The following EFR3B variants were observed in gnomAD, a reference collection of about 807,000 sequenced individuals.
EFR3B encodes EFR3 homolog B, also known as protein EFR3 homolog B.
EFR3B carries 64 observed loss-of-function variants against 104.7 expected under a neutral mutation model. That is an observed-to-expected ratio of 0.61 (90% CI 0.50 to 0.75). The LOEUF (loss-of-function observed/expected upper bound fraction) is 0.75, where lower values mean the gene tolerates loss of function less well. Ranked by LOEUF, EFR3B falls within the 30% of genes least tolerant of loss-of-function variation. The pLI is 0.00. For synonymous variants in EFR3B, 385 were observed against 417.9 expected (o/e 0.92, Z 0.96); for missense variants, 750 against 1,078.5 (o/e 0.70, Z 4.27).
chr2:25,069,366 C>T (rs1668427655), intron 1 of EFR3B, among the ~76,000 whole-genome samples: 1 of 152,120 alleles, frequency 6.6e-6, no homozygotes, highest in Admixed American at 6.6e-5. Flanking sequence ...GATTTCAAAC[C>T]ATGCTAAAAT....
In EFR3B at chr2:25,136,463, C is replaced by T. The variant is rs1433504180; in HGVS notation, c.1485-60C>T. On this transcript the variant is annotated intron_variant, in intron 13 of 22. Coordinates refer to ENST00000403714, the MANE Select transcript of EFR3B (RefSeq NM_014971.2). The surrounding 1 kb of genome is among the most constrained non-coding windows in gnomAD (Gnocchi z 4.0). The stretch of plus-strand genomic sequence containing the variant: ...TGTTGGGGATAAAGCTCAGTGACCC[C>T]GTGTGAGCTCAGGCTGGCCTCATGC... 2.9e-6 allele frequency: 4 copies of T among 1,377,018 alleles called. No individual in the cohort carries two copies. The highest frequency in any genetic ancestry group is 2.5e-5 in the East Asian group (1 of 39,792). The allele number at this position is 1,377,018 out of a possible 1,614,324, so 85.3% of individuals were successfully genotyped here.
intron 4 of EFR3B, among the ~76,000 whole-genome samples, chr2:25,106,899 A>G (rs1669579145): frequency 6.6e-6 from 1 of 152,172 alleles, no homozygotes; most frequent in Non-Finnish European, 1.5e-5. Context: ...CATTGTTTGT[A>G]TGGAAGTTTG....
At chr2:25,128,160 C>T in intron 5 of EFR3B, 23 bp from the exon 6 acceptor site, 3 of 1,551,388 alleles carry the variant, frequency 1.9e-6, no homozygotes, top group Non-Finnish European at 2.6e-6. Flanking sequence ...CTTCCGAGTC[C>T]CACTTCACCC....
intron 21 of EFR3B, among the ~76,000 whole-genome samples, chr2:25,152,900 T>C (rs1671054618): frequency 6.6e-6 from 1 of 152,084 alleles, no homozygotes; most frequent in African/African-American, 2.4e-5. Context: ...CTCATCCCAC[T>C]TTGAGAGGGA....
intron 1 of EFR3B, among the ~76,000 whole-genome samples, chr2:25,067,252 C>G (rs941344011): frequency 1.3e-5 from 2 of 151,890 alleles, no homozygotes; most frequent in African/African-American, 4.8e-5. Context: ...CCCCACCCAG[C>G]TCTACTCGGT....
At position 25,042,160 on chromosome 2, in the gene EFR3B, G is replaced by A; in HGVS notation, c.-153G>A. On this transcript the variant is annotated 5_prime_UTR_variant, in exon 1 of 23. Coordinates refer to ENST00000403714, the MANE Select transcript of EFR3B (RefSeq NM_014971.2). The surrounding 1 kb of genome is among the most constrained non-coding windows in gnomAD (Gnocchi z 5.4). Reference sequence around the variant, plus strand: ...CGGCGCCCGGCTCCGTCCTGCCCGCGGCCGGCCCCCGCGTCTGCTCCCTCC... The same window carrying A: ...CGGCGCCCGGCTCCGTCCTGCCCGCAGCCGGCCCCCGCGTCTGCTCCCTCC... 1 of 700,000 alleles carries A rather than the reference G, an allele frequency of 1.4e-6. No individual in the cohort carries two copies. The highest frequency in any genetic ancestry group is 1.9e-6 in the Non-Finnish European group (1 of 515,482). The allele number at this position is 700,000 out of a possible 1,614,324, so 43.4% of individuals were successfully genotyped here.
intron 1 of EFR3B, among the ~76,000 whole-genome samples, chr2:25,071,774 G>A (rs1668506344): frequency 6.6e-6 from 1 of 152,076 alleles, no homozygotes; most frequent in Non-Finnish European, 1.5e-5. Flanking sequence ...GCACTTAATC[G>A]ATACCTTTCA....
intron 1 of EFR3B, among the ~76,000 whole-genome samples, chr2:25,080,444 G>A (rs1419065016): frequency 2.0e-5 from 3 of 151,606 alleles, no homozygotes; most frequent in Non-Finnish European, 2.9e-5. Context: ...ACAGGTGTCC[G>A]CCATCACACC....
intron 1 of EFR3B, among the ~76,000 whole-genome samples, chr2:25,072,184 T>C (rs891779835): frequency 8.5e-5 from 13 of 152,224 alleles, no homozygotes; most frequent in African/African-American, 1.7e-4. Flanking sequence ...GTGTTGGCAG[T>C]TGTGGACGTG....
chr2:25,042,478 C>T lies in EFR3B; in HGVS notation c.7+159C>T, dbSNP rs1667599104. 5.8e-6 allele frequency: 7 copies of T among 1,205,764 alleles called. No homozygotes were observed. The highest frequency in any genetic ancestry group is 7.2e-6 in the Non-Finnish European group (7 of 971,418). The allele number at this position is 1,205,764 out of a possible 1,614,324, so 74.7% of individuals were successfully genotyped here. On this transcript the variant is annotated intron_variant, in intron 1 of 22. Transcript: ENST00000403714. The surrounding 1 kb of genome is among the most constrained non-coding windows in gnomAD (Gnocchi z 5.4). The stretch of plus-strand genomic sequence containing the variant: ...CGGTCGCTCTGTGCGCGCGCGTCTG[C>T]GCTGCGAGGACAAAGATGCCTCGGG...
chr2:25,157,167 T>C lies in EFR3B; in HGVS notation c.*2827T>C, dbSNP rs1036158416. 2.6e-5 allele frequency: 4 copies of C among 152,252 alleles called. No individual in the cohort carries two copies. The highest frequency in any genetic ancestry group is 9.6e-5 in the African/African-American group (4 of 41,458). The allele number at this position is 152,252 out of a possible 1,614,324, so 9.4% of individuals were successfully genotyped here. ...CCAGGCAGCTTTTCCTTTCCATCACTGCCGCTTAGCAAAAATGTGCTTCTT... is the reference window on the plus strand; with the variant it reads ...CCAGGCAGCTTTTCCTTTCCATCACCGCCGCTTAGCAAAAATGTGCTTCTT... On this transcript the variant is annotated 3_prime_UTR_variant, in exon 23 of 23. Transcript: ENST00000403714.
intron 1 of EFR3B, among the ~76,000 whole-genome samples, chr2:25,082,312 G>C (rs1391507527): frequency 6.6e-6 from 1 of 152,228 alleles, no homozygotes; most frequent in African/African-American, 2.4e-5. Flanking sequence ...TTGGGGGAGT[G>C]AGGACAAGGC....
Position 25,143,766 on chromosome 2 carries a change from G to A in EFR3B, c.1954G>A (p.Glu652Lys). 6.4e-7 allele frequency: 1 copy of A among 1,551,552 alleles called. No individual in the cohort carries two copies. Among genetic ancestry groups the A allele is most frequent in the Non-Finnish European group, 8.7e-7 (1 of 1,146,954 alleles). ...TCAGAATCTTGATGGGGTGGTCATT[G>A]AGCTCCTCTTCCGCCAGAGCAAGAT... Reference protein sequence around the residue: ...LSQNLDGVVIELLFRQSKISE... With the variant: ...LSQNLDGVVIKLLFRQSKISE... Residue 652 changes from glutamate (E) to lysine (K), a missense_variant, in exon 18 of 23, where the codon GAG becomes AAG. Glu to Lys is a moderately conservative substitution (Grantham distance 56). Coordinates refer to ENST00000403714, the MANE Select transcript of EFR3B (RefSeq NM_014971.2).
At chr2:25,112,212 C>T (rs142000570) in intron 4 of EFR3B, among the ~76,000 whole-genome samples, 3 of 152,390 alleles carry the variant, frequency 2.0e-5, no homozygotes, top group Non-Finnish European at 2.9e-5. Context: ...GCCAGTGGAA[C>T]GGCCCAAGGC....
chr2:25,063,893 C>T (rs376901610), intron 1 of EFR3B, among the ~76,000 whole-genome samples: 2 of 152,176 alleles, frequency 1.3e-5, no homozygotes, highest in African/African-American at 4.8e-5. Context: ...TCCATCTGCT[C>T]CTGGCTTCTT....
chr2:25,051,376 A>T (rs1055600058), intron 1 of EFR3B, among the ~76,000 whole-genome samples: 1 of 151,984 alleles, frequency 6.6e-6, no homozygotes, highest in Non-Finnish European at 1.5e-5. Flanking sequence ...CAGCCTCCCA[A>T]AGTGCTGGGA....
chr2:25,150,319 A>AT (rs770923103), intron 20 of EFR3B, among the ~76,000 whole-genome samples: 3 of 149,188 alleles, frequency 2.0e-5, no homozygotes, highest in Non-Finnish European at 1.5e-5. Flanking sequence ...AAAAAAAAAA[A>AT]GGCAATCAGT....
intron 20 of EFR3B, among the ~76,000 whole-genome samples, chr2:25,151,457 T>C (rs2149214910): frequency 6.6e-6 from 1 of 152,208 alleles, no homozygotes; most frequent in African/African-American, 2.4e-5. Flanking sequence ...GGTTTCACCA[T>C]GATGGCCAGG....
chr2:25,079,994 C>A, intron 1 of EFR3B: 1 of 989,384 alleles, frequency 1.0e-6, no homozygotes, highest in Non-Finnish European at 1.6e-6. Context: ...CAGTTTCCTC[C>A]AAGTCGTCAC....
Sources: gnomAD v4.1 joint callset for allele counts (sites outside exome capture counted in the v4.1 genomes callset) on GRCh38, gnomAD v4.1.1 for gene constraint, Gnocchi (gnomAD v3.1) non-coding constraint, MANE v1.5 for transcripts, NCBI Gene and HGNC (gene_info 2026-07-23, HGNC 2026-07-21) for gene names.